TTC13: variants seen among roughly 807,000 people sequenced by gnomAD.
TTC13 encodes tetratricopeptide repeat protein 13.
A neutral mutation model predicts 120.0 loss-of-function variants in TTC13; 62 were observed. The ratio of observed to expected loss-of-function variants is 0.52; its 90% CI spans 0.42 to 0.64. The LOEUF is 0.64. Ranked by LOEUF, TTC13 falls within the 30% of genes least tolerant of loss-of-function variation. The pLI is 0.00. For missense variants in TTC13, 824 were observed against 1,050.2 expected, an observed-to-expected ratio of 0.78 and a Z score of 2.98; for synonymous variants, 384 against 393.5, an observed-to-expected ratio of 0.98 and a Z score of 0.28.
At position 230,978,753 on chromosome 1, in the gene TTC13, G is replaced by T; in HGVS notation, c.78C>A (p.Val26=). The T allele has an allele frequency of 6.7e-7, 1 of 1,498,854 alleles. No homozygotes were observed. Among genetic ancestry groups the T allele is most frequent in the South Asian group, 1.2e-5 (1 of 80,918 alleles). 92.8% of individuals were successfully genotyped at this position (1,498,854 alleles called of 1,614,324 possible). The change falls in exon 1 of 23, where the codon GTC becomes GTA. Residue 26 remains valine, a synonymous_variant. Transcript: ENST00000366661. The surrounding 1 kb of genome is among the most constrained non-coding windows in gnomAD (Gnocchi z 5.6). Reference sequence around the variant, plus strand: ...GGACCCCCAGCAGCAGCAGCAGCAGGACACGCCGGGCGGCGCCCGCGGCGG... The same window carrying T: ...GGACCCCCAGCAGCAGCAGCAGCAGTACACGCCGGGCGGCGCCCGCGGCGG... ...AVAAAGAARR[V]LLLLLLGVLS... is the part of the protein sequence containing the mutation.
chr1:230,963,897 C>A (rs988439980), intron 1 of TTC13, among the ~76,000 whole-genome samples: 8 of 152,064 alleles, frequency 5.3e-5, no homozygotes, highest in African/African-American at 1.4e-4. Flanking sequence ...TGAACCCCAA[C>A]GAAAGGCTTT....
At chr1:230,911,322 A>G in intron 20 of TTC13, 148 bp downstream of exon 20, 1 of 542,296 alleles carries the variant, frequency 1.8e-6, no homozygotes, top group Non-Finnish European at 3.2e-6. Flanking sequence ...GACTAAGGAA[A>G]TATTTTTTTG....
At chr1:230,932,135 A>C (rs1374931171) in intron 9 of TTC13, among the ~76,000 whole-genome samples, 1 of 152,172 alleles carries the variant, frequency 6.6e-6, no homozygotes, top group African/African-American at 2.4e-5. Context: ...CGCTTATTCA[A>C]ACCCCTCTCC....
At position 230,912,695 on chromosome 1, in the gene TTC13, A is replaced by G. The variant is rs1170201428; in HGVS notation, c.2157T>C (p.His719=). 6.2e-7 allele frequency: 1 copy of G among 1,612,718 alleles called. No homozygotes were observed. Among genetic ancestry groups the G allele is most frequent in the Admixed American group, 1.7e-5 (1 of 59,938 alleles). Reference sequence around the variant, plus strand: ...CTTTATAAAGTGCATCTATTTCAGCATGATATAATTGTGTCCTTTCTTCCG... The same window carrying G: ...CTTTATAAAGTGCATCTATTTCAGCGTGATATAATTGTGTCCTTTCTTCCG... ...QTTEERTQLY[H]AEIDALYKDL... is the part of the protein sequence containing the mutation. The change falls in exon 19 of 23, where the codon CAT becomes CAC. Residue 719 remains histidine (H), a synonymous_variant. Coordinates refer to ENST00000366661, the MANE Select transcript of TTC13 (RefSeq NM_024525.5).
In TTC13 at chr1:230,931,796, C is replaced by G. The variant is rs1390536951; in HGVS notation, c.1065G>C (p.Gln355His). The change falls in exon 10 of 23, where the codon CAG (glutamine) becomes CAC (histidine). Residue 355 changes from glutamine to histidine, a missense_variant. Transcript: ENST00000366661. ...LLNQNHVQTL[Q>H]LRGMMLYHHG... Reference sequence around the variant, plus strand: ...GGTGGTAGAGCATCATTCCCCGGAGCTGGAGGGTTTGCACATGATTTTGGT... The same window carrying G: ...GGTGGTAGAGCATCATTCCCCGGAGGTGGAGGGTTTGCACATGATTTTGGT... The G allele has an allele frequency of 2.5e-6, 4 of 1,614,148 alleles. No homozygotes were observed. Among genetic ancestry groups the G allele is most frequent in the Non-Finnish European group, 3.4e-6 (4 of 1,180,020 alleles).
chr1:230,958,328 AT>A, intron 2 of TTC13, 29 bp from the exon 3 acceptor site: 1 of 1,561,086 alleles, frequency 6.4e-7, no homozygotes, highest in Non-Finnish European at 8.6e-7. Flanking sequence ...AAACCCATAC[AT>A]TTTAGCTATC....
At chr1:230,973,238 C>T (rs1189686712) in intron 1 of TTC13, among the ~76,000 whole-genome samples, 1 of 152,196 alleles carries the variant, frequency 6.6e-6, no homozygotes, top group Admixed American at 6.5e-5. Context: ...TTCTCTACCA[C>T]CTCTAGGCAT....
chr1:230,977,596 A>T (rs1678453285), intron 1 of TTC13, among the ~76,000 whole-genome samples: 1 of 152,070 alleles, frequency 6.6e-6, no homozygotes, highest in Non-Finnish European at 1.5e-5. Context: ...TAAAAAAAAA[A>T]GGTATTGTTT....
chr1:230,921,028 C>T (rs1672526916), intron 16 of TTC13, among the ~76,000 whole-genome samples: 1 of 152,122 alleles, frequency 6.6e-6, no homozygotes, highest in African/African-American at 2.4e-5. Context: ...TTTATATTTA[C>T]TTGGTGATAT....
rs1670939821 is a variant in TTC13, at chr1:230,906,399, A to T, written c.*506T>A. ...TGTTCCTGGCTGTGAGCTCTGCAAC[A>T]CATACTGATGGCCCAGGAACCTTCT... is the stretch of plus-strand genomic sequence containing the variant. On this transcript the variant is annotated 3_prime_UTR_variant, in exon 23 of 23. Transcript: ENST00000366661. The T allele has an allele frequency of 6.6e-6, 1 of 152,266 alleles. No homozygotes were observed. The highest frequency in any genetic ancestry group is 1.5e-5 in the Non-Finnish European group (1 of 68,068). 9.4% of individuals were successfully genotyped at this position (152,266 alleles called of 1,614,324 possible).
Position 230,943,824 on chromosome 1 carries a change from T to C in TTC13, c.654A>G (p.Val218=). Residue 218 remains valine (V), a synonymous_variant, in exon 6 of 23, where the codon GTA becomes GTG. Transcript: ENST00000366661. The part of the protein sequence containing the change: ...VITLEPDRPE[V]FEQRAEILSP... Reference sequence around the variant, plus strand: ...CACTCACTTCTGCTCGCTGCTCAAATACCTCTGGACGATCTGGTTCCAAGG... The same window carrying C: ...CACTCACTTCTGCTCGCTGCTCAAACACCTCTGGACGATCTGGTTCCAAGG... 6.2e-7 allele frequency: 1 copy of C among 1,607,778 alleles called. No homozygotes were observed. The highest frequency in any genetic ancestry group is 2.2e-5 in the East Asian group (1 of 44,736).
At chr1:230,934,944 A>T (rs1011611204) in intron 8 of TTC13, among the ~76,000 whole-genome samples, 1 of 152,204 alleles carries the variant, frequency 6.6e-6, no homozygotes, top group Non-Finnish European at 1.5e-5. Flanking sequence ...AATTCTTTTC[A>T]AAAAGGCATT....
intron 2 of TTC13, 64 bp from the exon 3 acceptor site, chr1:230,958,363 A>T: frequency 1.3e-6 from 2 of 1,532,444 alleles, no homozygotes; most frequent in Non-Finnish European, 1.7e-6. Flanking sequence ...AACTTGTATT[A>T]AAATCTGTAT....
intron 8 of TTC13, among the ~76,000 whole-genome samples, chr1:230,934,807 CT>C (rs1394914565): frequency 6.6e-6 from 1 of 152,176 alleles, no homozygotes; most frequent in East Asian, 1.9e-4. Context: ...AATTTTACAC[CT>C]GATTAGATAA....
intron 6 of TTC13, among the ~76,000 whole-genome samples, chr1:230,941,372 T>G (rs1231991955): frequency 6.6e-6 from 1 of 152,242 alleles, no homozygotes; most frequent in African/African-American, 2.4e-5. Context: ...CATAGCTCAC[T>G]GTAACCTCGG....
In TTC13 at chr1:230,978,726, C is replaced by T. The variant is rs1262876987; in HGVS notation, c.105G>A (p.Leu35=). The T allele has an allele frequency of 1.3e-6, 2 of 1,496,628 alleles. No homozygotes were observed. The highest frequency in any genetic ancestry group is 1.8e-6 in the Non-Finnish European group (2 of 1,131,702). The allele number at this position is 1,496,628 out of a possible 1,614,324, so 92.7% of individuals were successfully genotyped here. A position where few individuals can be genotyped will look rare whatever the true frequency, so the allele number is the denominator to read the frequency against. Residue 35 remains leucine, a synonymous_variant, in exon 1 of 23, where the codon CTG becomes CTA. Transcript: ENST00000366661. The surrounding 1 kb of genome is among the most constrained non-coding windows in gnomAD (Gnocchi z 5.6). ...GGGCGCCTGGCCGCAGCCCGGCGGA[C>T]AGGACCCCCAGCAGCAGCAGCAGCA... is the stretch of plus-strand genomic sequence containing the variant. The part of the protein sequence containing the change: ...RVLLLLLLGV[L]SAGLRPGALA...
chr1:230,937,544 TTC>T (rs1434886754), intron 8 of TTC13, among the ~76,000 whole-genome samples: 1 of 152,210 alleles, frequency 6.6e-6, no homozygotes, highest in African/African-American at 2.4e-5. Context: ...TAAGAAATTG[TTC>T]TCAAAGCCTG....
intron 20 of TTC13, among the ~76,000 whole-genome samples, chr1:230,909,397 G>A (rs967985630): frequency 3.9e-5 from 6 of 151,926 alleles, no homozygotes; most frequent in African/African-American, 7.3e-5. Context: ...TTGGGAGGCC[G>A]AGGTGGGTGG....
chr1:230,965,332 T>C (rs1473281414), intron 1 of TTC13, among the ~76,000 whole-genome samples: 1 of 152,192 alleles, frequency 6.6e-6, no homozygotes, highest in African/African-American at 2.4e-5. Flanking sequence ...AATAGACATT[T>C]CTTAAGACAT....
Sources: gnomAD v4.1 joint callset for allele counts (sites outside exome capture counted in the v4.1 genomes callset) on GRCh38, gnomAD v4.1.1 for gene constraint, Gnocchi (gnomAD v3.1) non-coding constraint, MANE v1.5 for transcripts, NCBI Gene and HGNC (gene_info 2026-07-23, HGNC 2026-07-21) for gene names.